CHCHD6: variants seen among roughly 807,000 people sequenced by gnomAD.
CHCHD6 encodes MICOS complex subunit MIC25.
CHCHD6 carries 28 observed loss-of-function variants against 32.3 expected under a neutral mutation model. The observed-to-expected ratio is 0.87, with a 90% confidence interval of 0.64 to 1.19. The LOEUF is 1.19. Among genes scored for constraint, CHCHD6 ranks in the 50% most tolerant of loss-of-function variants. The pLI is 0.00. For synonymous variants in CHCHD6, 122 were observed against 117.5 expected (o/e 1.04, Z -0.25); for missense variants, 333 against 307.0 (o/e 1.08, Z -0.63).
At chr3:126,878,980 C>T (rs2077573967) in intron 5 of CHCHD6, among the ~76,000 whole-genome samples, 1 of 152,182 alleles carries the variant, frequency 6.6e-6, no homozygotes, top group African/African-American at 2.4e-5. Context: ...TGCACCTGTC[C>T]TCATTCACGC....
intron 1 of CHCHD6, among the ~76,000 whole-genome samples, chr3:126,715,322 G>T (rs1559800203): frequency 1.3e-5 from 2 of 152,114 alleles, no homozygotes; most frequent in African/African-American, 4.8e-5. Flanking sequence ...CTGTAAAGTG[G>T]CGATCGCTGC....
intron 5 of CHCHD6, among the ~76,000 whole-genome samples, chr3:126,906,865 A>G (rs576659425): frequency 2.0e-4 from 30 of 152,310 alleles, no homozygotes; most frequent in African/African-American, 6.5e-4. Context: ...CCCTGGACCA[A>G]TGAAGAAGCA....
chr3:126,735,617 C>T (rs1017247919), intron 4 of CHCHD6, among the ~76,000 whole-genome samples: 2 of 152,118 alleles, frequency 1.3e-5, no homozygotes, highest in Non-Finnish European at 2.9e-5. Context: ...CACCTCATGC[C>T]TGAGGACCTT....
At chr3:126,757,529 G>T (rs574705273) in intron 4 of CHCHD6, among the ~76,000 whole-genome samples, 2 of 152,258 alleles carry the variant, frequency 1.3e-5, no homozygotes, top group African/African-American at 4.8e-5. Flanking sequence ...ACAGACTTCC[G>T]CAGCAAGCTC....
chr3:126,756,224 A>G (rs917624710), intron 4 of CHCHD6, among the ~76,000 whole-genome samples: 5 of 152,292 alleles, frequency 3.3e-5, no homozygotes, highest in African/African-American at 1.2e-4. Flanking sequence ...TGGGGAAGGT[A>G]GAGAGAGGAA....
intron 5 of CHCHD6, among the ~76,000 whole-genome samples, chr3:126,891,468 G>A (rs1000785016): frequency 1.3e-5 from 2 of 152,156 alleles, no homozygotes; most frequent in Non-Finnish European, 2.9e-5. Flanking sequence ...GGCCAGTGAG[G>A]GGCAAGAGGG....
intron 6 of CHCHD6, among the ~76,000 whole-genome samples, chr3:126,930,565 A>G (rs192734145): frequency 1.3e-4 from 20 of 152,338 alleles, no homozygotes; most frequent in Admixed American, 1.3e-3. Context: ...GTGGTCAGGT[A>G]GAAATAGAAA....
intron 4 of CHCHD6, among the ~76,000 whole-genome samples, chr3:126,811,170 G>T (rs1168625582): frequency 1.3e-5 from 2 of 152,142 alleles, no homozygotes; most frequent in African/African-American, 4.8e-5. Context: ...TATGAGACTG[G>T]TTGTTGAACC....
intron 4 of CHCHD6, among the ~76,000 whole-genome samples, chr3:126,781,318 C>T (rs1937928878): frequency 6.6e-6 from 1 of 152,266 alleles, no homozygotes; most frequent in Middle Eastern, 3.4e-3. Flanking sequence ...ACCAGCAGGG[C>T]CATTTCTAGC....
chr3:126,763,853 T>G (rs1006475309), intron 4 of CHCHD6, among the ~76,000 whole-genome samples: 2 of 152,182 alleles, frequency 1.3e-5, no homozygotes, highest in African/African-American at 2.4e-5. Flanking sequence ...AAAGAGCTTT[T>G]GTGTGGGATG....
intron 4 of CHCHD6, among the ~76,000 whole-genome samples, chr3:126,828,206 T>G (rs749746599): frequency 6.6e-6 from 1 of 152,212 alleles, no homozygotes; most frequent in African/African-American, 2.4e-5. Context: ...GTTTCAGTTA[T>G]CTTCTGTAAG....
At chr3:126,862,214 T>C (rs1188987228) in intron 5 of CHCHD6, among the ~76,000 whole-genome samples, 1 of 66,214 alleles carries the variant, frequency 1.5e-5, no homozygotes, top group Non-Finnish European at 2.9e-5. Flanking sequence ...TCCACCATCA[T>C]CACCACCTCC....
intron 4 of CHCHD6, among the ~76,000 whole-genome samples, chr3:126,831,848 T>C (rs569357677): frequency 6.6e-6 from 1 of 152,168 alleles, no homozygotes; most frequent in Non-Finnish European, 1.5e-5. Flanking sequence ...GAGAAGATCG[T>C]TGGTCTCAGG....
intron 4 of CHCHD6, among the ~76,000 whole-genome samples, chr3:126,791,680 G>A (rs1938552501): frequency 6.6e-6 from 1 of 152,206 alleles, no homozygotes; most frequent in Non-Finnish European, 1.5e-5. Context: ...CACGATCTTG[G>A]CTCACTGCAG....
At chr3:126,920,344 G>A (rs1043101795) in intron 6 of CHCHD6, among the ~76,000 whole-genome samples, 1 of 149,818 alleles carries the variant, frequency 6.7e-6, no homozygotes, top group Non-Finnish European at 1.5e-5. Flanking sequence ...TTTTTCTTGG[G>A]TCCTATTTAT....
chr3:126,807,979 T>C (rs1939488040), intron 4 of CHCHD6, among the ~76,000 whole-genome samples: 1 of 152,368 alleles, frequency 6.6e-6, no homozygotes, highest in East Asian at 1.9e-4. Context: ...CAAAAACACG[T>C]GGCCAGGTCA....
chr3:126,714,076 CAAAA>C (rs1157910763), intron 1 of CHCHD6, among the ~76,000 whole-genome samples: 2 of 28,880 alleles, frequency 6.9e-5, no homozygotes, highest in African/African-American at 1.2e-4. Flanking sequence ...GACTGCATCT[CAAAA>C]AAAAAAAAAA....
At chr3:126,944,386 G>A (rs898081095) in intron 6 of CHCHD6, among the ~76,000 whole-genome samples, 1 of 152,258 alleles carries the variant, frequency 6.6e-6, no homozygotes, top group Non-Finnish European at 1.5e-5. Context: ...TTGATGCTCT[G>A]CCTACCTCAA....
intron 1 of CHCHD6, among the ~76,000 whole-genome samples, chr3:126,707,457 A>T (rs915543137): frequency 6.6e-6 from 1 of 152,190 alleles, no homozygotes; most frequent in African/African-American, 2.4e-5. Flanking sequence ...TGTTTTAACC[A>T]GTACATTTAA....
Sources: allele counts gnomAD v4.1 joint callset (sites outside exome capture counted in the v4.1 genomes callset), GRCh38; gene constraint gnomAD v4.1.1; transcripts MANE v1.5; gene names NCBI Gene and HGNC (gene_info 2026-07-23, HGNC 2026-07-21).